RORA: variants seen among roughly 807,000 people sequenced by gnomAD.
The protein encoded by RORA is RAR related orphan receptor A.
In RORA, 7 loss-of-function variants were observed where a neutral mutation model predicts 69.5. The ratio of observed to expected loss-of-function variants is 0.10; its 90% confidence interval spans 0.06 to 0.19. The LOEUF (loss-of-function observed/expected upper bound fraction) is 0.19. Among genes scored for constraint, RORA ranks in the 10% least tolerant of loss-of-function variants. RORA has a pLI of 1.00. For missense variants in RORA, 457 were observed against 663.0 expected (o/e 0.69, Z 3.41); for synonymous variants, 261 against 240.8 (o/e 1.08, Z -0.78).
intron 1 of RORA, among the ~76,000 whole-genome samples, chr15:61,153,343 T>C (rs1179380524): frequency 6.6e-6 from 1 of 152,196 alleles, no homozygotes; most frequent in Non-Finnish European, 1.5e-5. Flanking sequence ...CCCTCAATGT[T>C]TTGATTCTCC....
chr15:61,140,977 C>T (rs2079292235), intron 1 of RORA, among the ~76,000 whole-genome samples: 1 of 152,124 alleles, frequency 6.6e-6, no homozygotes. Context: ...TGTTTTTTCA[C>T]ACAAGAAACC....
At chr15:60,514,823 G>A in intron 3 of RORA, 66 bp from the exon 4 acceptor site, 1 of 1,302,500 alleles carries the variant, frequency 7.7e-7, no homozygotes, top group Non-Finnish European at 1.1e-6. Context: ...ACTAAAGGCA[G>A]GATGCTAAGC....
chr15:60,869,588 A>G (rs1224250), intron 1 of RORA, among the ~76,000 whole-genome samples: 151,973 of 152,330 alleles, frequency 1, 75,808 homozygotes, highest in Middle Eastern at 1. Context: ...CTGATGGCAC[A>G]CAATGTCCGG....
intron 1 of RORA, among the ~76,000 whole-genome samples, chr15:61,083,652 AG>A (rs2078578545): frequency 6.6e-6 from 1 of 152,026 alleles, no homozygotes; most frequent in Non-Finnish European, 1.5e-5. Context: ...CAGGCACTAA[AG>A]GGGAAAATTA....
At chr15:60,689,624 T>C (rs1004779319) in intron 1 of RORA, among the ~76,000 whole-genome samples, 1 of 152,180 alleles carries the variant, frequency 6.6e-6, no homozygotes, top group African/African-American at 2.4e-5. Context: ...GATGAGGCAA[T>C]ACTGGTCCAG....
chr15:60,503,396 C>G, intron 7 of RORA, 139 bp downstream of exon 7: 1 of 739,666 alleles, frequency 1.4e-6, no homozygotes, highest in Non-Finnish European at 2.2e-6. Flanking sequence ...GAAAAGAACT[C>G]CATTTCTGCT....
At chr15:60,700,634 A>G (rs1255769913) in intron 1 of RORA, among the ~76,000 whole-genome samples, 8 of 151,108 alleles carry the variant, frequency 5.3e-5, no homozygotes, top group African/African-American at 1.7e-4. Flanking sequence ...CCCCAACAAA[A>G]TGCTGTATTC....
intron 1 of RORA, among the ~76,000 whole-genome samples, chr15:61,098,211 C>CTTA (rs2078823653): frequency 7.9e-6 from 1 of 126,292 alleles, no homozygotes; most frequent in African/African-American, 2.9e-5. Flanking sequence ...CTTCCTTCTT[C>CTTA]CCTCCCTCCT....
chr15:60,615,359 G>C (rs2069209340), intron 2 of RORA, among the ~76,000 whole-genome samples: 1 of 152,200 alleles, frequency 6.6e-6, no homozygotes, highest in African/African-American at 2.4e-5. Context: ...TAATAGGAAA[G>C]AATAACACCC....
At chr15:60,643,611 G>A (rs1021916899) in intron 2 of RORA, among the ~76,000 whole-genome samples, 36 of 152,178 alleles carry the variant, frequency 2.4e-4, no homozygotes, top group African/African-American at 8.2e-4. Context: ...ATGCCTTCCA[G>A]CAGGGGTGGC....
intron 1 of RORA, among the ~76,000 whole-genome samples, chr15:61,152,654 C>G (rs1018411554): frequency 6.6e-6 from 1 of 152,066 alleles, no homozygotes; most frequent in Non-Finnish European, 1.5e-5. Context: ...GATCTTTCTG[C>G]CCTTATAGAG....
intron 1 of RORA, among the ~76,000 whole-genome samples, chr15:60,849,378 T>G (rs1245657338): frequency 6.6e-6 from 1 of 152,168 alleles, no homozygotes; most frequent in African/African-American, 2.4e-5. Flanking sequence ...ATCTGAAAAC[T>G]TTTAGGGAAA....
At chr15:60,876,532 C>T (rs896229721) in intron 1 of RORA, among the ~76,000 whole-genome samples, 1 of 152,172 alleles carries the variant, frequency 6.6e-6, no homozygotes, top group Non-Finnish European at 1.5e-5. Flanking sequence ...TTTTTTAAAA[C>T]CTTCGTTATC....
intron 10 of RORA, 81 bp from the exon 11 acceptor site, chr15:60,497,700 G>T: frequency 8.7e-7 from 1 of 1,149,618 alleles, no homozygotes; most frequent in South Asian, 1.4e-5. Context: ...TGATCTTTAT[G>T]ACATTGTTTA....
intron 1 of RORA, among the ~76,000 whole-genome samples, chr15:61,211,075 A>T (rs1236802602): frequency 6.6e-6 from 1 of 152,174 alleles, no homozygotes; most frequent in Admixed American, 6.5e-5. Flanking sequence ...GCCTGGGTTT[A>T]GAATGATTTC....
chr15:61,155,897 G>C (rs1005140393), intron 1 of RORA, among the ~76,000 whole-genome samples: 1 of 152,090 alleles, frequency 6.6e-6, no homozygotes, highest in Non-Finnish European at 1.5e-5. Context: ...TTTCAACCCA[G>C]CCAAGGCAGG....
At chr15:61,118,998 C>T (rs962274063) in intron 1 of RORA, among the ~76,000 whole-genome samples, 9 of 148,398 alleles carry the variant, frequency 6.1e-5, no homozygotes, top group African/African-American at 2.0e-4. Context: ...AAAAGGAATG[C>T]GTGAGGGTCG....
rs998553818 is a variant in RORA, at chr15:61,120,874, G to A, written c.166+108179C>T. ...TTTATTATTTTTTTTTTGAGATCGA[G>A]TCTCGCTTTGTCTCCCAGGATGGAG... On this transcript the variant is annotated intron_variant, in intron 1 of 10. Transcript: ENST00000335670. 2.0e-5 allele frequency among the ~76,000 whole-genome samples: 3 copies of A among 151,178 alleles called. No individual in the cohort carries two copies. The East Asian group carries it at 5.9e-4, about 29-fold the overall frequency.
chr15:60,525,672 T>C (rs937206782), intron 3 of RORA, among the ~76,000 whole-genome samples: 1 of 152,198 alleles, frequency 6.6e-6, no homozygotes, highest in East Asian at 1.9e-4. Flanking sequence ...GCCCAAATTA[T>C]TGTATTTTCC....
Sources: gnomAD v4.1 joint callset for allele counts (sites outside exome capture counted in the v4.1 genomes callset) on GRCh38, gnomAD v4.1.1 for gene constraint, MANE v1.5 for transcripts, NCBI Gene and HGNC (gene_info 2026-07-23, HGNC 2026-07-21) for gene names.